Variants in FCHO2 observed in about 807,000 individuals in gnomAD.
The protein encoded by FCHO2 is F-BAR domain only protein 2.
A neutral mutation model predicts 114.1 loss-of-function variants in FCHO2; 43 were observed. The observed-to-expected ratio is 0.38, with a 90% CI of 0.30 to 0.49. The LOEUF (loss-of-function observed/expected upper bound fraction) is 0.49. FCHO2 is among the 20% of genes least tolerant of loss of function. The pLI is 0.97. For missense variants in FCHO2, 807 were observed against 950.4 expected, an observed-to-expected ratio of 0.85 and a Z score of 1.98; for synonymous variants, 293 against 315.2, an observed-to-expected ratio of 0.93 and a Z score of 0.75.
At chr5:73,068,405 T>C (rs1306774850) in intron 18 of FCHO2, among the ~76,000 whole-genome samples, 5 of 152,092 alleles carry the variant, frequency 3.3e-5, no homozygotes, top group African/African-American at 1.2e-4. Context: ...TTAAACATAC[T>C]TTTTTAAATA....
intron 15 of FCHO2, 60 bp from the exon 16 acceptor site, chr5:73,056,005 T>C (rs959332867): frequency 2.0e-5 from 24 of 1,212,500 alleles, no homozygotes; most frequent in Non-Finnish European, 2.5e-5. Context: ...GTTTCTGTTT[T>C]TCATTAAAAT....
At chr5:72,962,223 T>C (rs1026603392) in intron 1 of FCHO2, among the ~76,000 whole-genome samples, 2 of 152,184 alleles carry the variant, frequency 1.3e-5, no homozygotes, top group Non-Finnish European at 2.9e-5. Flanking sequence ...TGTGTATATA[T>C]GTTCAGTTCA....
rs1222254627 is a variant in FCHO2 at position 72,979,442 on chromosome 5, A to AGT, written c.126-9983_126-9982dup. Among the ~76,000 whole-genome samples the AGT allele has an allele frequency of 1.1e-4, 12 of 107,820 alleles. No individual in the cohort carries two copies. In the South Asian group the frequency reaches 1.7e-3, roughly 15 times the overall value. The allele number at this position is 107,820 out of a possible 152,430, so 70.7% of individuals were successfully genotyped here. ...AGTCTCGCTCTGTCGCCCAGGCTGG[A>AGT]GTGCAGTGGCGCGATCTCGGCTCAC... On this transcript the variant is annotated intron_variant, in intron 2 of 25. Transcript: ENST00000430046.
At position 73,001,253 on chromosome 5, in the gene FCHO2, TAGTC is replaced by T. The variant is rs558268993; in HGVS notation, c.496-5188_496-5185del. Among the ~76,000 whole-genome samples the T allele has an allele frequency of 1.4e-4, 21 of 151,700 alleles. No individual in the cohort carries two copies. In the South Asian group the frequency reaches 2.1e-3, roughly 15 times the overall value. On this transcript the variant is annotated intron_variant, in intron 5 of 25. Coordinates refer to ENST00000430046, the MANE Select transcript of FCHO2 (RefSeq NM_138782.3). Reference sequence around the variant, plus strand: ...CTCTACAAAAAGTTTTTAAAAAAATTAGTCAGTGTGAGATCGCACCATTGCATTC... The same window carrying T: ...CTCTACAAAAAGTTTTTAAAAAAATTAGTGTGAGATCGCACCATTGCATTC...
At chr5:73,029,468 A>G (rs575214942) in intron 8 of FCHO2, among the ~76,000 whole-genome samples, 1 of 152,176 alleles carries the variant, frequency 6.6e-6, no homozygotes, top group East Asian at 1.9e-4. Flanking sequence ...GTGGTTAAAA[A>G]CCTATTTCTT....
intron 1 of FCHO2, among the ~76,000 whole-genome samples, chr5:72,956,936 C>T (rs1751580469): frequency 2.6e-5 from 4 of 151,628 alleles, no homozygotes; most frequent in Non-Finnish European, 2.9e-5. Flanking sequence ...CAGCCATGTA[C>T]AGGAAAGGAA....
chr5:72,993,700 A>G (rs528004536), intron 5 of FCHO2, among the ~76,000 whole-genome samples: 13 of 152,320 alleles, frequency 8.5e-5, no homozygotes, highest in Non-Finnish European at 1.3e-4. Flanking sequence ...GACAGCTACA[A>G]TGCTTTGATA....
intron 20 of FCHO2, 32 bp downstream of exon 20, chr5:73,074,885 A>T (rs962493073): frequency 6.4e-6 from 10 of 1,553,628 alleles, no homozygotes; most frequent in Non-Finnish European, 7.9e-6. Context: ...ATGTATGTGT[A>T]TGTATGTGTG....
chr5:73,073,615 A>C (rs1272317873), intron 19 of FCHO2, among the ~76,000 whole-genome samples: 2 of 152,116 alleles, frequency 1.3e-5, no homozygotes, highest in Admixed American at 6.6e-5. Flanking sequence ...AATCTAGAAT[A>C]CCAAGCTAAC....
At chr5:73,061,134 C>T (rs113960853) in intron 17 of FCHO2, among the ~76,000 whole-genome samples, 3 of 152,074 alleles carry the variant, frequency 2.0e-5, no homozygotes, top group Admixed American at 6.6e-5. Flanking sequence ...CAATGATGAA[C>T]TTTGTTGAGT....
At position 73,006,489 on chromosome 5, in the gene FCHO2, T is replaced by C. The variant is rs2112715431; in HGVS notation, c.540T>C (p.Tyr180=). 6.3e-7 allele frequency: 1 copy of C among 1,578,078 alleles called. No homozygotes were observed. The highest frequency in any genetic ancestry group is 8.6e-7 in the Non-Finnish European group (1 of 1,165,926). The change falls in exon 6 of 26, where the codon TAT becomes TAC. Residue 180 remains tyrosine, a synonymous_variant. Transcript: ENST00000430046. ...SKKATDTYKL[Y]VEKYALAKAD... Reference sequence around the variant, plus strand: ...AAGCTACAGATACCTATAAACTCTATGTGGAAAAATATGCATTAGCAAAAG... The same window carrying C: ...AAGCTACAGATACCTATAAACTCTACGTGGAAAAATATGCATTAGCAAAAG...
intron 9 of FCHO2, among the ~76,000 whole-genome samples, chr5:73,035,084 A>G (rs761199271): frequency 7.2e-5 from 11 of 152,148 alleles, no homozygotes; most frequent in Admixed American, 1.3e-4. Flanking sequence ...GTGTAGTGCT[A>G]ATTGTACAGT....
intron 2 of FCHO2, among the ~76,000 whole-genome samples, chr5:72,982,579 A>G (rs1753268489): frequency 6.6e-6 from 1 of 152,186 alleles, no homozygotes. Flanking sequence ...ACCTTTAGGT[A>G]TTGGAATGCC....
At chr5:73,078,604 A>G (rs1276757940) in intron 22 of FCHO2, among the ~76,000 whole-genome samples, 1 of 152,222 alleles carries the variant, frequency 6.6e-6, no homozygotes, top group Non-Finnish European at 1.5e-5. Context: ...AATCAATTAA[A>G]GTTAGGAATG....
At chr5:72,988,157 A>G (rs1753634747) in intron 2 of FCHO2, among the ~76,000 whole-genome samples, 1 of 152,104 alleles carries the variant, frequency 6.6e-6, no homozygotes, top group South Asian at 2.1e-4. Flanking sequence ...AAGGCCAAAC[A>G]GGCCGGGCGC....
chr5:73,030,636 G>T (rs891694398), intron 8 of FCHO2, among the ~76,000 whole-genome samples: 3 of 152,204 alleles, frequency 2.0e-5, no homozygotes, highest in African/African-American at 7.2e-5. Context: ...CTCAAAATGT[G>T]ATTCCAGGAC....
chr5:73,000,514 G>A (rs967154769), intron 5 of FCHO2, among the ~76,000 whole-genome samples: 1 of 141,134 alleles, frequency 7.1e-6, no homozygotes, highest in Admixed American at 7.2e-5. Context: ...AGTGGCTCAC[G>A]CCTGTAATCC....
Position 73,017,314 on chromosome 5 carries a change from A to T in FCHO2, c.796+6A>T. The T allele has an allele frequency of 2.0e-6, 3 of 1,521,492 alleles. No individual in the cohort carries two copies. The South Asian group carries it at 3.8e-5, about 19-fold the overall frequency. 94.2% of individuals were successfully genotyped at this position (1,521,492 alleles called of 1,614,324 possible). On this transcript the variant is annotated splice_donor_region_variant and intron_variant, in intron 8 of 25. Transcript: ENST00000430046. ...CACTGGGAAGGAAAGACCTGGTAAG[A>T]TGATAAACTCTGCAAGGAAACATTT...
At chr5:72,982,748 G>T (rs1376110499) in intron 2 of FCHO2, among the ~76,000 whole-genome samples, 1 of 148,468 alleles carries the variant, frequency 6.7e-6, no homozygotes, top group Non-Finnish European at 1.5e-5. Context: ...GGGTTTTGTA[G>T]TTTTATGTTT....
Sources: gnomAD v4.1 joint callset for allele counts (sites outside exome capture counted in the v4.1 genomes callset) on GRCh38, gnomAD v4.1.1 for gene constraint, MANE v1.5 for transcripts, NCBI Gene and HGNC (gene_info 2026-07-23, HGNC 2026-07-21) for gene names.